NKAIN2: variants seen among roughly 807,000 people sequenced by gnomAD.
NKAIN2 encodes the protein sodium/potassium-transporting ATPase subunit beta-1-interacting protein 2.
In NKAIN2, 14 loss-of-function variants were observed where a neutral mutation model predicts 32.6. The observed-to-expected ratio is 0.43, with a 90% CI of 0.28 to 0.67. The LOEUF (loss-of-function observed/expected upper bound fraction) is 0.67. NKAIN2 is among the 30% of genes least tolerant of loss of function. NKAIN2 has a pLI of 0.17. For missense variants in NKAIN2, 198 were observed against 258.3 expected (o/e 0.77, Z 1.60); for synonymous variants, 80 against 87.2 (o/e 0.92, Z 0.46).
chr6:124,353,362 G>A (rs967865279), intron 2 of NKAIN2, among the ~76,000 whole-genome samples: 3 of 152,064 alleles, frequency 2.0e-5, no homozygotes, highest in Non-Finnish European at 4.4e-5. Flanking sequence ...ATTCTGGTTC[G>A]GAATCATGAG....
At chr6:124,177,314 A>G (rs972411227) in intron 1 of NKAIN2, among the ~76,000 whole-genome samples, 3 of 152,226 alleles carry the variant, frequency 2.0e-5, no homozygotes, top group Admixed American at 2.0e-4. Context: ...AGGGGAAAAC[A>G]GATACTTGAG....
At chr6:123,824,673 A>G (rs1038756) in intron 1 of NKAIN2, among the ~76,000 whole-genome samples, 18,187 of 151,792 alleles carry the variant, frequency 0.12, 1,864 homozygotes, top group East Asian at 0.56. Flanking sequence ...ACCATGGCAC[A>G]TGTATACCTA....
intron 3 of NKAIN2, among the ~76,000 whole-genome samples, chr6:124,554,139 T>A (rs897623574): frequency 2.0e-5 from 3 of 152,260 alleles, no homozygotes; most frequent in African/African-American, 7.2e-5. Flanking sequence ...TGCTAAACTT[T>A]CTTCAAAATT....
chr6:124,596,086 A>T (rs1027218656), intron 3 of NKAIN2, among the ~76,000 whole-genome samples: 7 of 152,224 alleles, frequency 4.6e-5, no homozygotes, highest in Non-Finnish European at 8.8e-5. Context: ...CAACAGAATT[A>T]TTAAGAATGT....
At chr6:124,356,581 G>A (rs1276544240) in intron 3 of NKAIN2, among the ~76,000 whole-genome samples, 1 of 152,076 alleles carries the variant, frequency 6.6e-6, no homozygotes, top group Non-Finnish European at 1.5e-5. Flanking sequence ...TGTGTTTTTT[G>A]CAGGGCATCG....
intron 1 of NKAIN2, among the ~76,000 whole-genome samples, chr6:124,153,568 T>C (rs1480431773): frequency 6.6e-6 from 1 of 151,740 alleles, no homozygotes; most frequent in Non-Finnish European, 1.5e-5. Context: ...TTTTCAGTGT[T>C]GTAGTCTTGC....
At chr6:124,196,921 GATATAGACATGCACAAGAAC>G (rs1269060268) in intron 1 of NKAIN2, among the ~76,000 whole-genome samples, 1 of 151,808 alleles carries the variant, frequency 6.6e-6, no homozygotes, top group Non-Finnish European at 1.5e-5. Flanking sequence ...ATTGTCATGA[GATATAGACATGCACAAGAAC>G]ATATTCAAGA....
At chr6:124,165,579 A>G (rs544360047) in intron 1 of NKAIN2, among the ~76,000 whole-genome samples, 14 of 151,800 alleles carry the variant, frequency 9.2e-5, no homozygotes, top group Middle Eastern at 3.4e-3. Flanking sequence ...GGTTAATTAC[A>G]TATATATACA....
chr6:124,369,476 A>G (rs903943786), intron 3 of NKAIN2, among the ~76,000 whole-genome samples: 2 of 152,136 alleles, frequency 1.3e-5, no homozygotes, highest in African/African-American at 2.4e-5. Context: ...GCAACCCAGG[A>G]TGGCTTTGAG....
At chr6:124,250,534 G>A (rs372427450) in intron 1 of NKAIN2, among the ~76,000 whole-genome samples, 19 of 151,938 alleles carry the variant, frequency 1.3e-4, no homozygotes, top group East Asian at 9.7e-4. Flanking sequence ...CAATAAGACC[G>A]TAAAATAGTA....
intron 5 of NKAIN2, among the ~76,000 whole-genome samples, chr6:124,805,234 G>A (rs1441097760): frequency 6.6e-6 from 1 of 152,172 alleles, no homozygotes; most frequent in Non-Finnish European, 1.5e-5. Context: ...TAACTGGGAG[G>A]CACCCCCCAG....
chr6:124,745,583 G>C (rs1032197745), intron 4 of NKAIN2, among the ~76,000 whole-genome samples: 6 of 151,726 alleles, frequency 4.0e-5, no homozygotes, highest in African/African-American at 1.5e-4. Context: ...ATTTTACATG[G>C]CCTTTCTTTT....
chr6:124,352,362 A>G (rs1321375786), intron 2 of NKAIN2, among the ~76,000 whole-genome samples: 2 of 152,230 alleles, frequency 1.3e-5, no homozygotes, highest in African/African-American at 4.8e-5. Flanking sequence ...CCAAATTTTT[A>G]TTATATTTTC....
intron 2 of NKAIN2, among the ~76,000 whole-genome samples, chr6:124,345,433 G>T (rs149581945): frequency 0.013 from 1,951 of 152,216 alleles, 43 homozygotes; most frequent in African/African-American, 0.044. Context: ...TTATACCTCT[G>T]GTAGAATTTG....
At chr6:124,140,686 C>G (rs981609482) in intron 1 of NKAIN2, among the ~76,000 whole-genome samples, 3 of 152,056 alleles carry the variant, frequency 2.0e-5, no homozygotes, top group Non-Finnish European at 2.9e-5. Flanking sequence ...TCCTATCCAG[C>G]TATTTTTTTA....
In NKAIN2 at chr6:123,970,110, G is replaced by GATATATATAT. The variant is rs71541239; in HGVS notation, c.54+165863_54+165872dup. 9.5e-3 allele frequency among the ~76,000 whole-genome samples: 1,413 copies of GATATATATAT among 149,240 alleles called. 4 individuals are homozygous for GATATATATAT. Among genetic ancestry groups the GATATATATAT allele is most frequent in the South Asian group, 0.022 (104 of 4,722 alleles). ...CACACAAAATACTGATTATTAAATGGATATATATATATATATGTATAAATG... is the reference window on the plus strand; with the variant it reads ...CACACAAAATACTGATTATTAAATGGATATATATATATATATATATATATATGTATAAATG... On this transcript the variant is annotated intron_variant, in intron 1 of 6. Transcript: ENST00000368417.
chr6:124,511,669 T>C (rs1778719008), intron 3 of NKAIN2, among the ~76,000 whole-genome samples: 2 of 152,068 alleles, frequency 1.3e-5, no homozygotes, highest in African/African-American at 4.8e-5. Context: ...CTTTTCTAGG[T>C]TGTGGTTTAA....
At chr6:124,215,923 G>T (rs560290718) in intron 1 of NKAIN2, among the ~76,000 whole-genome samples, 124 of 152,074 alleles carry the variant, frequency 8.2e-4, no homozygotes, top group African/African-American at 2.9e-3. Flanking sequence ...TTTCAGACCA[G>T]CCTGGCCAAC....
At chr6:124,050,406 T>C (rs116164298) in intron 1 of NKAIN2, among the ~76,000 whole-genome samples, 2,069 of 152,136 alleles carry the variant, frequency 0.014, 56 homozygotes, top group African/African-American at 0.046. Context: ...AGAACCTGTG[T>C]CACATCCTTC....
Sources: allele counts gnomAD v4.1 joint callset (sites outside exome capture counted in the v4.1 genomes callset), GRCh38; gene constraint gnomAD v4.1.1; transcripts MANE v1.5; gene names NCBI Gene and HGNC (gene_info 2026-07-23, HGNC 2026-07-21).